The following CPEB2 variants were observed in gnomAD, a reference collection of about 807,000 sequenced individuals.
CPEB2 encodes the protein cytoplasmic polyadenylation element binding protein 2.
Under a neutral mutation model 93.6 loss-of-function variants are expected in CPEB2, and 56 were observed. The observed-to-expected ratio is 0.60, with a 90% confidence interval of 0.48 to 0.75. The LOEUF is 0.75. CPEB2 is among the 30% of genes least tolerant of loss of function. The pLI, the probability that CPEB2 is intolerant of heterozygous loss-of-function variation, is 0.00. For missense variants in CPEB2, 1,579 were observed against 1,395.1 expected, an observed-to-expected ratio of 1.13 and a Z score of -2.10; for synonymous variants, 764 against 586.3, an observed-to-expected ratio of 1.30 and a Z score of -4.38.
Position 15,003,216 on chromosome 4 carries a change from GT to G in CPEB2, c.545del (p.Phe182SerfsTer126). ...AGCTGAGCAGCCAGAAGAGGAAAGA[GT>G]TCAGCCCTCCCCACCTTCCCCACCC... ...QQLSSQKRKEFSPPHLPHPPD... is the reference protein window; with the variant it reads ...QQLSSQKRKEXSPPHLPHPPD... On this transcript the variant is annotated frameshift_variant, in exon 1 of 12. Coordinates refer to ENST00000538197, the MANE Select transcript of CPEB2 (RefSeq NM_001177382.2). LOFTEE classifies it high-confidence loss of function. The G allele has an allele frequency of 3.9e-6, 6 of 1,532,446 alleles. No individual in the cohort carries two copies. Among genetic ancestry groups the G allele is most frequent in the Non-Finnish European group, 5.2e-6 (6 of 1,145,698 alleles). 94.9% of individuals were successfully genotyped at this position (1,532,446 alleles called of 1,614,324 possible). A position where few individuals can be genotyped will look rare whatever the true frequency, so the allele number is the denominator to read the frequency against.
At chr4:15,039,366 T>A (rs190742968) in intron 5 of CPEB2, among the ~76,000 whole-genome samples, 181 of 152,320 alleles carry the variant, frequency 1.2e-3, no homozygotes, top group Middle Eastern at 6.8e-3. Flanking sequence ...TAATGTGAAA[T>A]GTTTTCTTTT....
chr4:15,016,344 A>C (rs950729873), intron 3 of CPEB2, among the ~76,000 whole-genome samples: 1 of 152,044 alleles, frequency 6.6e-6, no homozygotes, highest in African/African-American at 2.4e-5. Flanking sequence ...TTTCAGGTAC[A>C]CTGAGTATGT....
chr4:15,011,452 T>A (rs754006813), intron 3 of CPEB2, among the ~76,000 whole-genome samples: 8 of 152,146 alleles, frequency 5.3e-5, no homozygotes, highest in Non-Finnish European at 1.2e-4. Context: ...CTTTAAAATG[T>A]CATTAGCTAG....
At chr4:15,009,834 T>C (rs1248403271) in intron 3 of CPEB2, among the ~76,000 whole-genome samples, 1 of 152,156 alleles carries the variant, frequency 6.6e-6, no homozygotes, top group East Asian at 1.9e-4. Flanking sequence ...GGAGGGATGC[T>C]AGAGAGGAGA....
chr4:15,035,639 A>G lies in CPEB2; in HGVS notation c.2176+2428A>G, dbSNP rs905875032. Reference sequence around the variant, plus strand: ...TTGAAGTATATTATAAGTAGCCAACAAAGATGGCCCATTTTGTGTTGTTGC... The same window carrying G: ...TTGAAGTATATTATAAGTAGCCAACGAAGATGGCCCATTTTGTGTTGTTGC... On this transcript the variant is annotated intron_variant, in intron 5 of 11. Coordinates refer to ENST00000538197, the MANE Select transcript of CPEB2 (RefSeq NM_001177382.2). 1.2e-4 allele frequency among the ~76,000 whole-genome samples: 19 copies of G among 152,242 alleles called. 1 individual carries two copies. Among genetic ancestry groups the G allele is most frequent in the Admixed American group, 9.8e-4 (15 of 15,276 alleles).
intron 4 of CPEB2, among the ~76,000 whole-genome samples, chr4:15,031,333 G>T (rs1279128924): frequency 6.6e-6 from 1 of 151,144 alleles, no homozygotes; most frequent in African/African-American, 2.4e-5. Context: ...GCCTTAAACT[G>T]TTCTCCAAAT....
Position 15,002,576 on chromosome 4 carries a change from C to T in CPEB2, c.-98C>T, listed in dbSNP as rs906203075. The stretch of plus-strand genomic sequence containing the variant: ...ACGGTGTCCCTCTCTCACTGACTCC[C>T]CCTCCTTCCACCACGGCCGCGCAAC... On this transcript the variant is annotated 5_prime_UTR_variant, in exon 1 of 12. Transcript: ENST00000538197. 13 of 997,642 alleles carry T rather than the reference C, an allele frequency of 1.3e-5. No individual in the cohort carries two copies. The highest frequency in any genetic ancestry group is 5.9e-5 in the East Asian group (2 of 34,108). 61.8% of individuals were successfully genotyped at this position (997,642 alleles called of 1,614,324 possible). A position where few individuals can be genotyped will look rare whatever the true frequency, so the allele number is the denominator to read the frequency against.
intron 7 of CPEB2, among the ~76,000 whole-genome samples, chr4:15,053,742 T>C (rs1728458043): frequency 6.6e-6 from 1 of 152,214 alleles, no homozygotes; most frequent in African/African-American, 2.4e-5. Flanking sequence ...AGACCTTTTT[T>C]CCTATAATAA....
intron 6 of CPEB2, among the ~76,000 whole-genome samples, chr4:15,047,397 G>T (rs1406336168): frequency 6.6e-6 from 1 of 151,942 alleles, no homozygotes; most frequent in Non-Finnish European, 1.5e-5. Flanking sequence ...GGTTTCTTCT[G>T]TTTATTCATT....
chr4:15,023,355 A>G (rs1443824235), intron 4 of CPEB2, among the ~76,000 whole-genome samples: 1 of 152,010 alleles, frequency 6.6e-6, no homozygotes, highest in African/African-American at 2.4e-5. Flanking sequence ...TTTCTCCAAA[A>G]TGATAGCATT....
At position 15,002,811 on chromosome 4, in the gene CPEB2, C is replaced by T. The variant is rs1240550046; in HGVS notation, c.138C>T (p.Gly46=). Residue 46 remains glycine, a synonymous_variant, in exon 1 of 12, where the codon GGC becomes GGT. Coordinates refer to ENST00000538197, the MANE Select transcript of CPEB2 (RefSeq NM_001177382.2). ...CGCTGCCCTCCGCCACGCCCTTCGG[C>T]CCACTGTCGCCACCACCGTTGCCTG... ...VNPLPSATPF[G]PLSPPPLPVT... is the part of the protein sequence containing the mutation. The T allele has an allele frequency of 2.0e-6, 3 of 1,535,368 alleles. No homozygotes were observed. Among genetic ancestry groups the T allele is most frequent in the Non-Finnish European group, 2.6e-6 (3 of 1,146,656 alleles).
chr4:15,004,664 CCGCGGGCGGCCGGG>C (rs1439406145), intron 1 of CPEB2, among the ~76,000 whole-genome samples: 1 of 151,810 alleles, frequency 6.6e-6, no homozygotes, highest in Admixed American at 6.6e-5. Context: ...AGCGCCGGGG[CCGCGGGCGGCCGGG>C]CGCGGCGTCT....
At chr4:15,022,505 A>G (rs969167687) in intron 4 of CPEB2, among the ~76,000 whole-genome samples, 2 of 152,086 alleles carry the variant, frequency 1.3e-5, no homozygotes, top group Non-Finnish European at 2.9e-5. Context: ...CTATGTATCT[A>G]ATATATATAT....
At position 15,003,581 on chromosome 4, in the gene CPEB2, C is replaced by T; in HGVS notation, c.908C>T (p.Ser303Phe). 2.0e-6 allele frequency: 3 copies of T among 1,475,848 alleles called. No individual in the cohort carries two copies. Among genetic ancestry groups the T allele is most frequent in the Non-Finnish European group, 8.9e-7 (1 of 1,117,764 alleles). 91.4% of individuals were successfully genotyped at this position (1,475,848 alleles called of 1,614,324 possible). A position where few individuals can be genotyped will look rare whatever the true frequency, so the allele number is the denominator to read the frequency against. ...AAESPNAGLA[S>F]STPVNPAPGS... ...GAGTCCCCCAATGCGGGCTTGGCCT[C>T]CTCGACGCCGGTGAACCCCGCGCCG... The change falls in exon 1 of 12, where the codon TCC becomes TTC. Residue 303 changes from serine to phenylalanine, a missense_variant. Transcript: ENST00000538197.
In CPEB2 at chr4:15,017,287, C is replaced by CT; in HGVS notation, c.2125+14dup. On this transcript the variant is annotated intron_variant, in intron 4 of 11. Coordinates refer to ENST00000538197, the MANE Select transcript of CPEB2 (RefSeq NM_001177382.2). ...GCATGATCCTCTTAAGGGTAGGTGA[C>CT]TTTTTAAAAAAATATATGTTTATAT... 6.7e-7 allele frequency: 1 copy of CT among 1,487,552 alleles called. No individual in the cohort carries two copies. The highest frequency in any genetic ancestry group is 9.2e-7 in the Non-Finnish European group (1 of 1,084,246). The allele number at this position is 1,487,552 out of a possible 1,614,324, so 92.1% of individuals were successfully genotyped here.
chr4:15,012,564 G>C (rs557374005), intron 3 of CPEB2, among the ~76,000 whole-genome samples: 2 of 152,188 alleles, frequency 1.3e-5, no homozygotes, highest in South Asian at 4.1e-4. Context: ...TGAGAAGAGA[G>C]CTTATGAGAT....
At chr4:15,004,643 A>G (rs1722535937) in intron 1 of CPEB2, among the ~76,000 whole-genome samples, 2 of 151,310 alleles carry the variant, frequency 1.3e-5, no homozygotes, top group Admixed American at 6.6e-5. Flanking sequence ...GGACTGGGGC[A>G]GGGGCCGAAT....
chr4:15,062,478 A>C (rs1461525550), intron 11 of CPEB2, among the ~76,000 whole-genome samples: 1 of 152,096 alleles, frequency 6.6e-6, no homozygotes, highest in African/African-American at 2.4e-5. Flanking sequence ...TTGTGCAGCC[A>C]TGTCAAAATT....
chr4:15,054,336 A>G (rs1246720883), intron 8 of CPEB2, 119 bp downstream of exon 8: 3 of 720,760 alleles, frequency 4.2e-6, no homozygotes, highest in East Asian at 2.6e-5. Context: ...TGATAATTTC[A>G]TAGACTCAGA....
Sources: allele counts gnomAD v4.1 joint callset (sites outside exome capture counted in the v4.1 genomes callset), GRCh38; gene constraint gnomAD v4.1.1; transcripts MANE v1.5; gene names NCBI Gene and HGNC (gene_info 2026-07-23, HGNC 2026-07-21).